Variants in MRTFB observed in about 807,000 individuals in gnomAD.
MRTFB encodes the protein myocardin-related transcription factor B.
MRTFB carries 29 observed loss-of-function variants against 104.2 expected under a neutral mutation model. The ratio of observed to expected loss-of-function variants is 0.28; its 90% confidence interval spans 0.21 to 0.38. The LOEUF (loss-of-function observed/expected upper bound fraction) is 0.38. Ranked by LOEUF, MRTFB falls within the 10% of genes least tolerant of loss-of-function variation. The probability of loss-of-function intolerance (pLI) is 1.00; values close to 1 mark genes in which losing one functional copy is unlikely to be tolerated. For missense variants in MRTFB, 1,270 were observed against 1,341.6 expected (o/e 0.95, Z 0.83); for synonymous variants, 535 against 519.5 (o/e 1.03, Z -0.41).
chr16:14,260,585 A>G (rs2043731571), intron 16 of MRTFB, among the ~76,000 whole-genome samples: 1 of 152,232 alleles, frequency 6.6e-6, no homozygotes, highest in East Asian at 1.9e-4. Context: ...CTAGTGAGAT[A>G]TAACTGCTTT....
At chr16:14,236,885 G>A (rs560936927) in intron 9 of MRTFB, among the ~76,000 whole-genome samples, 1 of 152,302 alleles carries the variant, frequency 6.6e-6, no homozygotes, top group Admixed American at 6.5e-5. Context: ...TGGCAGCTGG[G>A]GAGATAACAG....
At chr16:14,095,327 T>C (rs1282213087) in intron 2 of MRTFB, among the ~76,000 whole-genome samples, 2 of 152,344 alleles carry the variant, frequency 1.3e-5, no homozygotes, top group East Asian at 1.9e-4. Flanking sequence ...GACTCCCTTG[T>C]AGAGGATTCA....
chr16:14,252,297 G>T, intron 14 of MRTFB, 68 bp from the exon 15 acceptor site: 1 of 1,565,418 alleles, frequency 6.4e-7, no homozygotes, highest in South Asian at 1.2e-5. Flanking sequence ...CAGCAGAGCC[G>T]AGTCTAGCCA....
chr16:14,080,643 C>T (rs747156967), intron 2 of MRTFB, among the ~76,000 whole-genome samples: 1 of 152,172 alleles, frequency 6.6e-6, no homozygotes, highest in South Asian at 2.1e-4. Flanking sequence ...CATTTCCACA[C>T]CACCACCCCC....
At position 14,234,194 on chromosome 16, in the gene MRTFB, A is replaced by G. The variant is rs372854652; in HGVS notation, c.742A>G (p.Thr248Ala). 12 of 1,613,892 alleles carry G rather than the reference A, an allele frequency of 7.4e-6. No homozygotes were observed. Among genetic ancestry groups the G allele is most frequent in the Admixed American group, 1.7e-5 (1 of 59,996 alleles). ...TCCTGAATTCTTGAAAACTCCTCCA[A>G]CTGCAGATCAGCCTCCCCCACGGCC... ...TVPEFLKTPP[T>A]ADQPPPRPAA... Residue 248 changes from threonine to alanine, a missense_variant, in exon 9 of 17, where the codon ACT becomes GCT. By Grantham distance (58) the Thr-to-Ala change is moderately conservative. This residue lies in a region of MRTFB where 1,144 missense variants were observed against 1,131.5 expected (regional missense o/e 1.01). Coordinates refer to ENST00000571589, the MANE Select transcript of MRTFB (RefSeq NM_001308142.2).
intron 2 of MRTFB, among the ~76,000 whole-genome samples, chr16:14,104,144 A>G (rs990409898): frequency 6.6e-6 from 1 of 152,246 alleles, no homozygotes. Flanking sequence ...TTGACATGTT[A>G]TAGAGTGGAG....
the MRTFB span, among the ~76,000 whole-genome samples, chr16:14,046,866 A>G: frequency 1.2e-4 from 18 of 152,236 alleles, no homozygotes; most frequent in African/African-American, 4.1e-4. Flanking sequence ...CAGTGATTAT[A>G]TACCAGGCAC....
At chr16:14,234,335 C>A in intron 9 of MRTFB, 52 bp downstream of exon 9, 1 of 1,562,304 alleles carries the variant, frequency 6.4e-7, no homozygotes, top group South Asian at 1.2e-5. Flanking sequence ...GTGACTCTGT[C>A]TATAACCCTG....
intron 15 of MRTFB, among the ~76,000 whole-genome samples, chr16:14,256,758 CATA>C (rs1567226583): frequency 1.3e-5 from 2 of 152,166 alleles, no homozygotes; most frequent in Non-Finnish European, 2.9e-5. Flanking sequence ...AAAACTGTGA[CATA>C]ATAATTTTAA....
intron 2 of MRTFB, among the ~76,000 whole-genome samples, chr16:14,108,228 A>G (rs183337353): frequency 1.3e-5 from 2 of 152,312 alleles, no homozygotes; most frequent in East Asian, 1.9e-4. Flanking sequence ...CATTCAGGAA[A>G]TGGAATTATT....
chr16:14,070,089 G>A (rs752428686), upstream of MRTFB, among the ~76,000 whole-genome samples: 2 of 152,210 alleles, frequency 1.3e-5, no homozygotes, highest in African/African-American at 4.8e-5. Context: ...CAGGTGGGCT[G>A]GGTAAGCCCA....
chr16:14,134,650 A>G (rs1597014324), intron 2 of MRTFB, among the ~76,000 whole-genome samples: 2 of 152,214 alleles, frequency 1.3e-5, no homozygotes, highest in African/African-American at 4.8e-5. Context: ...TTCAGTACAC[A>G]TGTTAAGGAT....
chr16:14,138,824 A>G (rs1386521078), intron 2 of MRTFB, among the ~76,000 whole-genome samples: 1 of 152,264 alleles, frequency 6.6e-6, no homozygotes, highest in Non-Finnish European at 1.5e-5. Flanking sequence ...GCAGCTTAAT[A>G]AAGACAATCT....
Position 14,171,344 on chromosome 16 carries a change from A to C in MRTFB, c.154+30584A>C, listed in dbSNP as rs565630770. 5.9e-5 allele frequency among the ~76,000 whole-genome samples: 9 copies of C among 152,302 alleles called. No homozygotes were observed. The East Asian group carries it at 1.5e-3, about 26-fold the overall frequency. ...GTAATCCCAGCACTTTGGGAGGCCAAGGCAGCCAGGTGTGGTGGCGGACAC... is the reference window on the plus strand; with the variant it reads ...GTAATCCCAGCACTTTGGGAGGCCACGGCAGCCAGGTGTGGTGGCGGACAC... On this transcript the variant is annotated intron_variant, in intron 3 of 16. Transcript: ENST00000571589.
chr16:14,072,170 G>A lies in MRTFB; in HGVS notation c.-129+805G>A, dbSNP rs557752718. 2.0e-4 allele frequency among the ~76,000 whole-genome samples: 30 copies of A among 152,278 alleles called. 1 individual carries two copies. The South Asian group carries it at 5.6e-3, about 28-fold the overall frequency. On this transcript the variant is annotated intron_variant, in intron 1 of 16. Coordinates refer to ENST00000571589, the MANE Select transcript of MRTFB (RefSeq NM_001308142.2). ...ACGCGATTCCACTCTTGGGAACAGT[G>A]GTTCTCAACCTCGTCAGAATCAAGG...
rs140921851 is a variant in MRTFB at position 14,103,746 on chromosome 16, A to G, written c.-64+24392A>G. Among the ~76,000 whole-genome samples, 6 of 152,362 alleles carry G rather than the reference A, an allele frequency of 3.9e-5. No homozygotes were observed. The East Asian group carries it at 1.2e-3, about 29-fold the overall frequency. ...TTGCTACAAATATAGTCTGCTTCTA[A>G]TGCCTTCGTCCAAGTCAGTCCAGCC... is the stretch of plus-strand genomic sequence containing the variant. On this transcript the variant is annotated intron_variant, in intron 2 of 16. Transcript: ENST00000571589.
At chr16:14,016,492 G>A in the MRTFB span, among the ~76,000 whole-genome samples, 1 of 152,034 alleles carries the variant, frequency 6.6e-6, no homozygotes, top group South Asian at 2.1e-4. Context: ...TCTGACCTAG[G>A]CTGGGCGCGG....
At chr16:14,009,965 C>T in the MRTFB span, among the ~76,000 whole-genome samples, 72,229 of 151,918 alleles carry the variant, frequency 0.48, 17,512 homozygotes, top group Middle Eastern at 0.62. Flanking sequence ...TCCACTTGCT[C>T]ACCAGAGGGC....
chr16:14,136,473 C>T (rs2037727221), intron 2 of MRTFB, among the ~76,000 whole-genome samples: 1 of 152,084 alleles, frequency 6.6e-6, no homozygotes, highest in Non-Finnish European at 1.5e-5. Flanking sequence ...AGTAGGATCA[C>T]TCTGTCCCAA....
Sources: gnomAD v4.1 joint callset for allele counts (sites outside exome capture counted in the v4.1 genomes callset) on GRCh38, gnomAD v4.1.1 for gene constraint, gnomAD v4.1.1 regional missense constraint, MANE v1.5 for transcripts, NCBI Gene and HGNC (gene_info 2026-07-23, HGNC 2026-07-21) for gene names.